Variants in PTPRE observed in about 807,000 individuals in gnomAD.
PTPRE encodes receptor-type tyrosine-protein phosphatase epsilon.
Under a neutral mutation model 102.0 loss-of-function variants are expected in PTPRE, and 51 were observed. The observed-to-expected ratio is 0.50, with a 90% confidence interval of 0.40 to 0.63. The LOEUF is 0.63. PTPRE is among the 30% of genes least tolerant of loss of function. The pLI, the probability that PTPRE is intolerant of heterozygous loss-of-function variation, is 0.00. For synonymous variants in PTPRE, 345 were observed against 348.2 expected (o/e 0.99, Z 0.10); for missense variants, 752 against 915.1 (o/e 0.82, Z 2.30).
intron 2 of PTPRE, among the ~76,000 whole-genome samples, chr10:128,036,952 C>T (rs563794194): frequency 2.0e-5 from 3 of 152,300 alleles, no homozygotes; most frequent in East Asian, 1.9e-4. Context: ...CAGGAGCTGA[C>T]GCGCAGCATC....
At chr10:127,980,066 T>C (rs1252323789) in intron 1 of PTPRE, among the ~76,000 whole-genome samples, 1 of 152,142 alleles carries the variant, frequency 6.6e-6, no homozygotes, top group Non-Finnish European at 1.5e-5. Context: ...TGGACTCTTG[T>C]AATAAGTTAT....
At chr10:127,985,619 T>C (rs1852019584) in intron 2 of PTPRE, among the ~76,000 whole-genome samples, 1 of 152,098 alleles carries the variant, frequency 6.6e-6, no homozygotes, top group Admixed American at 6.5e-5. Context: ...AAGCTAGCTG[T>C]GGTTATCACT....
At chr10:128,067,124 T>C (rs1850219852) in intron 11 of PTPRE, among the ~76,000 whole-genome samples, 1 of 134,276 alleles carries the variant, frequency 7.4e-6, no homozygotes, top group Non-Finnish European at 1.6e-5. Context: ...GTACAATGCA[T>C]GCACGTTCAC....
At chr10:128,022,825 G>A (rs1846009019) in intron 2 of PTPRE, among the ~76,000 whole-genome samples, 1 of 152,234 alleles carries the variant, frequency 6.6e-6, no homozygotes, top group Non-Finnish European at 1.5e-5. Context: ...TGTGAACAAG[G>A]GCCAGGAGAT....
At chr10:128,054,559 C>G (rs1269114056) in intron 6 of PTPRE, among the ~76,000 whole-genome samples, 1 of 152,048 alleles carries the variant, frequency 6.6e-6, no homozygotes, top group East Asian at 2.0e-4. Context: ...CCAGACAGGT[C>G]CCTCCACATA....
intron 20 of PTPRE, among the ~76,000 whole-genome samples, chr10:128,080,217 C>A (rs1325254878): frequency 1.3e-5 from 2 of 152,242 alleles, no homozygotes; most frequent in African/African-American, 4.8e-5. Flanking sequence ...TCAAGGACTC[C>A]TGCTTTCTGG....
At chr10:128,075,111 T>C (rs1392162542) in intron 17 of PTPRE, among the ~76,000 whole-genome samples, 2 of 152,260 alleles carry the variant, frequency 1.3e-5, no homozygotes, top group Non-Finnish European at 2.9e-5. Flanking sequence ...CTCAAAATTG[T>C]GCTTTTGATA....
chr10:127,941,438 C>T (rs558745449), intron 1 of PTPRE, among the ~76,000 whole-genome samples: 6 of 152,282 alleles, frequency 3.9e-5, no homozygotes, highest in Admixed American at 2.0e-4. Flanking sequence ...GGGCCTGAGC[C>T]GAGGGGAGCA....
chr10:128,068,379 G>C, intron 12 of PTPRE, 93 bp downstream of exon 12: 1 of 1,424,802 alleles, frequency 7.0e-7, no homozygotes, highest in African/African-American at 1.4e-5. Context: ...CCAATATCAG[G>C]GTGGGCAGAG....
intron 1 of PTPRE, among the ~76,000 whole-genome samples, chr10:127,942,519 G>A (rs1848321360): frequency 6.6e-6 from 1 of 152,226 alleles, no homozygotes; most frequent in Admixed American, 6.5e-5. Flanking sequence ...GGTCATACAT[G>A]CAATGGAATG....
At chr10:127,963,606 C>G (rs942319287) in intron 1 of PTPRE, among the ~76,000 whole-genome samples, 5 of 152,180 alleles carry the variant, frequency 3.3e-5, no homozygotes, top group African/African-American at 1.2e-4. Context: ...GAAATTGTCT[C>G]CAATCCTGGA....
intron 1 of PTPRE, among the ~76,000 whole-genome samples, chr10:127,962,458 C>T (rs1849896056): frequency 6.6e-6 from 1 of 152,232 alleles, no homozygotes; most frequent in South Asian, 2.1e-4. Flanking sequence ...GCACCCGCAG[C>T]TGCTCCGCTG....
At chr10:127,945,644 C>A (rs1263281696) in intron 1 of PTPRE, among the ~76,000 whole-genome samples, 2 of 152,116 alleles carry the variant, frequency 1.3e-5, no homozygotes, top group African/African-American at 4.8e-5. Flanking sequence ...TCAGAGAGGC[C>A]TGTGAGTGTG....
At chr10:128,010,703 T>C (rs990110150) in intron 2 of PTPRE, among the ~76,000 whole-genome samples, 5 of 152,156 alleles carry the variant, frequency 3.3e-5, no homozygotes, top group Admixed American at 1.3e-4. Flanking sequence ...ACCATTCTCC[T>C]GCCTCAGCCT....
chr10:128,013,766 C>T (rs561424488), intron 2 of PTPRE, among the ~76,000 whole-genome samples: 3 of 152,240 alleles, frequency 2.0e-5, no homozygotes, highest in South Asian at 2.1e-4. Flanking sequence ...TCCGCTGGCA[C>T]CTTCATCCTG....
At chr10:127,999,381 T>C (rs1853633943) in intron 2 of PTPRE, 2 of 231,798 alleles carry the variant, frequency 8.6e-6, no homozygotes, top group South Asian at 3.1e-4. Flanking sequence ...CAGCAATGAC[T>C]TTTATTTTAG....
chr10:128,072,378 C>A lies in PTPRE; in HGVS notation c.1464+164C>A, dbSNP rs1850846688. On this transcript the variant is annotated intron_variant, in intron 16 of 20. Transcript: ENST00000254667. Reference sequence around the variant, plus strand: ...TTGCTTAAAAAAAAAAGTGGCAAGGCACGATGGCTCACACCTGTAATCCCA... The same window carrying A: ...TTGCTTAAAAAAAAAAGTGGCAAGGAACGATGGCTCACACCTGTAATCCCA... 4.8e-6 allele frequency: 3 copies of A among 619,674 alleles called. No individual in the cohort carries two copies. The East Asian group carries it at 8.8e-5, about 18-fold the overall frequency. The allele number at this position is 619,674 out of a possible 1,614,324, so 38.4% of individuals were successfully genotyped here.
rs149976333 is a variant in PTPRE at position 128,031,534 on chromosome 10, G to A, written c.-7-9341G>A. On this transcript the variant is annotated intron_variant, in intron 2 of 20. Transcript: ENST00000254667. ...TTTCCTGGCCAGGGTGTTTTGGGCA[G>A]TGGTTCTGTTTCCTATATTGATGTT... Among the ~76,000 whole-genome samples, 327 of 152,358 alleles carry A rather than the reference G, an allele frequency of 2.1e-3. 1 individual carries two copies. The highest frequency in any genetic ancestry group is 7.4e-3 in the African/African-American group (307 of 41,586).
intron 2 of PTPRE, among the ~76,000 whole-genome samples, chr10:127,983,770 T>C (rs989768806): frequency 1.3e-5 from 2 of 152,190 alleles, no homozygotes; most frequent in Non-Finnish European, 2.9e-5. Context: ...CATTTTGCCT[T>C]CTGCCGCTTC....
Sources: allele counts gnomAD v4.1 joint callset (sites outside exome capture counted in the v4.1 genomes callset), GRCh38; gene constraint gnomAD v4.1.1; transcripts MANE v1.5; gene names NCBI Gene and HGNC (gene_info 2026-07-23, HGNC 2026-07-21).